Variants in HS6ST2 observed in about 807,000 individuals in gnomAD.
HS6ST2 encodes the protein heparan-sulfate 6-O-sulfotransferase 2.
In HS6ST2, 17 loss-of-function variants were observed where a neutral mutation model predicts 33.0. The ratio of observed to expected loss-of-function variants is 0.52; its 90% CI spans 0.35 to 0.77. The LOEUF (loss-of-function observed/expected upper bound fraction) is 0.77. Among genes scored for constraint, HS6ST2 ranks in the 30% least tolerant of loss-of-function variants. The pLI is 0.01. For missense variants in HS6ST2, 519 were observed against 551.7 expected (o/e 0.94, Z 0.59); for synonymous variants, 248 against 237.1 (o/e 1.05, Z -0.42).
chrX:132,952,984 A>G (rs1005835332), intron 2 of HS6ST2, among the ~76,000 whole-genome samples: 17 of 111,650 alleles, frequency 1.5e-4, no homozygotes, highest in South Asian at 3.8e-4. Context: ...TTTGACTTGT[A>G]TAGCCATGGA....
At chrX:132,734,009 A>G (rs755308318) in intron 2 of HS6ST2, among the ~76,000 whole-genome samples, 23 of 96,299 alleles carry the variant, frequency 2.4e-4, no homozygotes, top group Non-Finnish European at 4.2e-4. Flanking sequence ...GCAACAGTCT[A>G]GGAATCTTAG....
intron 1 of HS6ST2, among the ~76,000 whole-genome samples, 184 bp downstream of exon 1, chrX:132,957,991 A>C (rs1222097989): frequency 9.0e-6 from 1 of 111,698 alleles, no homozygotes; most frequent in African/African-American, 3.2e-5. Context: ...CCCGCGGAAC[A>C]GTAGCGACGG....
intron 3 of HS6ST2, among the ~76,000 whole-genome samples, chrX:132,683,086 C>T (rs556298279): frequency 9.0e-6 from 1 of 111,246 alleles, no homozygotes; most frequent in African/African-American, 3.3e-5. Flanking sequence ...TGCACTCCAG[C>T]CTGGGCGACA....
intron 3 of HS6ST2, among the ~76,000 whole-genome samples, chrX:132,693,191 G>A: frequency 8.9e-6 from 1 of 112,012 alleles, no homozygotes; most frequent in South Asian, 3.8e-4. Flanking sequence ...CAGGTGATAG[G>A]CTACAAGTCA....
At chrX:132,680,900 T>C (rs191393196) in intron 3 of HS6ST2, among the ~76,000 whole-genome samples, 2 of 110,096 alleles carry the variant, frequency 1.8e-5, no homozygotes, top group African/African-American at 6.6e-5. Context: ...TTGGGAAGGC[T>C]GAGGCAGGAT....
At chrX:132,898,771 T>C (rs989424389) in intron 2 of HS6ST2, among the ~76,000 whole-genome samples, 1 of 110,523 alleles carries the variant, frequency 9.0e-6, no homozygotes, top group African/African-American at 3.3e-5. Context: ...TAATTAAAAC[T>C]TGTGGGAAAA....
At chrX:132,656,482 G>C (rs187283021) in intron 4 of HS6ST2, among the ~76,000 whole-genome samples, 74 of 110,646 alleles carry the variant, frequency 6.7e-4, no homozygotes, top group African/African-American at 2.4e-3. Context: ...ATAGCTTTTG[G>C]AGTACAAGTA....
At chrX:132,806,501 A>G (rs1407040304) in intron 2 of HS6ST2, among the ~76,000 whole-genome samples, 1 of 110,315 alleles carries the variant, frequency 9.1e-6, no homozygotes, top group Non-Finnish European at 1.9e-5. Flanking sequence ...TTCCAGAGAC[A>G]TGGCTAAATG....
chrX:132,674,001 T>C lies in HS6ST2; in HGVS notation c.981-4802A>G, dbSNP rs950395228. Reference sequence around the variant, plus strand: ...CTATCTTGTTAGGTTATGTCCTGAGTGGTTTTCTTTGTTCCAAACTTTTTC... The same window carrying C: ...CTATCTTGTTAGGTTATGTCCTGAGCGGTTTTCTTTGTTCCAAACTTTTTC... On this transcript the variant is annotated intron_variant, in intron 3 of 4. Transcript: ENST00000370833. Among the ~76,000 whole-genome samples, 38 of 111,828 alleles carry C rather than the reference T, an allele frequency of 3.4e-4. No individual in the cohort carries two copies. In the Admixed American group the frequency reaches 3.4e-3, roughly 10 times the overall value.
At chrX:132,719,813 C>T (rs2064312391) in intron 2 of HS6ST2, among the ~76,000 whole-genome samples, 1 of 112,633 alleles carries the variant, frequency 8.9e-6, no homozygotes, top group Non-Finnish European at 1.9e-5. Flanking sequence ...CCAGGAATAA[C>T]TTTGGACTGC....
At chrX:132,912,098 C>T (rs1361601494) in intron 2 of HS6ST2, among the ~76,000 whole-genome samples, 3 of 112,665 alleles carry the variant, frequency 2.7e-5, no homozygotes, top group Non-Finnish European at 5.6e-5. Context: ...CTTGAGTCTC[C>T]TGACCCATAT....
At chrX:132,823,455 G>A (rs1420086322) in intron 2 of HS6ST2, among the ~76,000 whole-genome samples, 1 of 109,647 alleles carries the variant, frequency 9.1e-6, no homozygotes, top group African/African-American at 3.3e-5. Context: ...AGTCTCTAAA[G>A]TCCACTGTAT....
chrX:132,835,659 G>A (rs1405328905), intron 2 of HS6ST2, among the ~76,000 whole-genome samples: 1 of 112,475 alleles, frequency 8.9e-6, no homozygotes, highest in African/African-American at 3.2e-5. Context: ...GGCCACGCCT[G>A]TAATGCCAGC....
chrX:132,956,668 G>A, intron 2 of HS6ST2, 140 bp downstream of exon 2: 2 of 686,212 alleles, frequency 2.9e-6, no homozygotes, highest in Non-Finnish European at 2.0e-6. Context: ...TGCGCTACTG[G>A]GCGCCCAGCA....
At chrX:132,730,018 G>A (rs2064441100) in intron 2 of HS6ST2, among the ~76,000 whole-genome samples, 1 of 109,802 alleles carries the variant, frequency 9.1e-6, no homozygotes. Flanking sequence ...CCCTCAGGGT[G>A]CCTCCTCAGA....
chrX:132,910,217 T>A (rs188271837), intron 2 of HS6ST2, among the ~76,000 whole-genome samples: 4 of 112,207 alleles, frequency 3.6e-5, no homozygotes, highest in African/African-American at 1.3e-4. Context: ...CAACAGTTCC[T>A]GGAATTTTAG....
chrX:132,938,232 T>A (rs2148492417), intron 2 of HS6ST2, among the ~76,000 whole-genome samples: 1 of 106,273 alleles, frequency 9.4e-6, no homozygotes, highest in East Asian at 2.9e-4. Flanking sequence ...TGCAGAATAA[T>A]CATGACAAAA....
intron 2 of HS6ST2, among the ~76,000 whole-genome samples, chrX:132,716,800 C>G (rs1376914367): frequency 8.9e-6 from 1 of 112,053 alleles, no homozygotes; most frequent in Non-Finnish European, 1.9e-5. Flanking sequence ...TATTTTATCC[C>G]ATTTCATTTC....
At chrX:132,752,645 G>T (rs1416618808) in intron 2 of HS6ST2, among the ~76,000 whole-genome samples, 1 of 111,225 alleles carries the variant, frequency 9.0e-6, no homozygotes. Flanking sequence ...CCAATTCCTC[G>T]CAAAACACAT....
Sources: gnomAD v4.1 joint callset for allele counts (sites outside exome capture counted in the v4.1 genomes callset) on GRCh38, gnomAD v4.1.1 for gene constraint, MANE v1.5 for transcripts, NCBI Gene and HGNC (gene_info 2026-07-23, HGNC 2026-07-21) for gene names.